The following DNAJC1 variants were observed in gnomAD, a reference collection of about 807,000 sequenced individuals.
DNAJC1 encodes the protein DnaJ heat shock protein family (Hsp40) member C1, also known as dnaJ homolog subfamily C member 1.
In DNAJC1, 58 loss-of-function variants were observed where a neutral mutation model predicts 76.6. That is an observed-to-expected ratio of 0.76 (90% CI 0.61 to 0.94). The LOEUF (loss-of-function observed/expected upper bound fraction) is 0.94, where lower values mean the gene tolerates loss of function less well. DNAJC1 is among the 40% of genes least tolerant of loss of function. DNAJC1 has a pLI of 0.00. For synonymous variants in DNAJC1, 258 were observed against 267.9 expected, an observed-to-expected ratio of 0.96 and a Z score of 0.36; for missense variants, 689 against 677.3, an observed-to-expected ratio of 1.02 and a Z score of -0.19.
At position 21,920,026 on chromosome 10, in the gene DNAJC1, A is replaced by G. The variant is rs549113891; in HGVS notation, c.538-97T>C. ...TGTGAAGGGTAAACATTATAGAGGAACATTTATGCAAATGTATGTAGGGTC... is the reference window on the plus strand; with the variant it reads ...TGTGAAGGGTAAACATTATAGAGGAGCATTTATGCAAATGTATGTAGGGTC... On this transcript the variant is annotated intron_variant, in intron 4 of 11. Transcript: ENST00000376980. 9.8e-6 allele frequency: 7 copies of G among 715,978 alleles called. No homozygotes were observed. In the East Asian group the frequency reaches 1.8e-4, roughly 18 times the overall value. 44.4% of individuals were successfully genotyped at this position (715,978 alleles called of 1,614,324 possible).
chr10:21,863,110 C>T (rs1193037396), intron 8 of DNAJC1, among the ~76,000 whole-genome samples: 1 of 151,918 alleles, frequency 6.6e-6, no homozygotes, highest in Non-Finnish European at 1.5e-5. Context: ...CCAGCCTGGG[C>T]AACAAGAGTG....
chr10:21,862,371 T>C (rs2131699803), intron 8 of DNAJC1, among the ~76,000 whole-genome samples: 1 of 151,958 alleles, frequency 6.6e-6, no homozygotes, highest in African/African-American at 2.4e-5. Flanking sequence ...CTAAAAACCA[T>C]ATGCAAACAG....
At chr10:21,896,476 GAA>G (rs1836544697) in intron 7 of DNAJC1, among the ~76,000 whole-genome samples, 1 of 152,066 alleles carries the variant, frequency 6.6e-6, no homozygotes. Context: ...CTTTGCATGA[GAA>G]TATCAATTTT....
intron 8 of DNAJC1, among the ~76,000 whole-genome samples, chr10:21,830,173 A>G (rs1034347085): frequency 1.4e-4 from 21 of 152,156 alleles, no homozygotes; most frequent in Non-Finnish European, 2.5e-4. Context: ...TAGATTTATC[A>G]ACATGATTTC....
chr10:21,912,987 CTTT>C (rs201161273), intron 6 of DNAJC1, among the ~76,000 whole-genome samples: 4 of 134,474 alleles, frequency 3.0e-5, no homozygotes, highest in Non-Finnish European at 3.2e-5. Flanking sequence ...TCTTAGGCAA[CTTT>C]TTTTTTTTTT....
intron 8 of DNAJC1, among the ~76,000 whole-genome samples, chr10:21,809,784 AATAT>A (rs1031232606): frequency 1.8e-4 from 28 of 152,096 alleles, no homozygotes; most frequent in African/African-American, 6.8e-4. Context: ...GCCCTTGACA[AATAT>A]ATATAAATAC....
At chr10:21,979,161 A>C (rs1297133738) in intron 1 of DNAJC1, among the ~76,000 whole-genome samples, 1 of 152,014 alleles carries the variant, frequency 6.6e-6, no homozygotes, top group African/African-American at 2.4e-5. Context: ...CTTTTAAAAA[A>C]AACCAGCTAG....
At chr10:21,867,037 T>G (rs1836012362) in intron 8 of DNAJC1, among the ~76,000 whole-genome samples, 1 of 152,138 alleles carries the variant, frequency 6.6e-6, no homozygotes, top group Non-Finnish European at 1.5e-5. Context: ...GGGACATTTA[T>G]AGCCTTTAAT....
At chr10:21,908,649 A>G (rs1248331561) in intron 6 of DNAJC1, among the ~76,000 whole-genome samples, 1 of 152,012 alleles carries the variant, frequency 6.6e-6, no homozygotes, top group African/African-American at 2.4e-5. Context: ...TTATAGCCCT[A>G]GTACACTGCC....
At chr10:21,891,657 A>G (rs1836465476) in intron 7 of DNAJC1, among the ~76,000 whole-genome samples, 1 of 152,186 alleles carries the variant, frequency 6.6e-6, no homozygotes, top group Non-Finnish European at 1.5e-5. Flanking sequence ...GAAGTGGCAC[A>G]GCACTTTTCA....
chr10:21,778,910 T>C (rs2131626292), intron 9 of DNAJC1, among the ~76,000 whole-genome samples: 1 of 152,354 alleles, frequency 6.6e-6, no homozygotes, highest in Admixed American at 6.5e-5. Context: ...CACTGCGCTT[T>C]TCCAACCGTC....
chr10:21,839,426 C>G (rs372603943), intron 8 of DNAJC1, among the ~76,000 whole-genome samples: 2 of 152,172 alleles, frequency 1.3e-5, no homozygotes, highest in Non-Finnish European at 2.9e-5. Flanking sequence ...GATATCACCA[C>G]TGATCCCACA....
chr10:21,800,664 C>G (rs528789155), intron 9 of DNAJC1, among the ~76,000 whole-genome samples: 2 of 152,236 alleles, frequency 1.3e-5, no homozygotes, highest in East Asian at 3.9e-4. Context: ...GTGAAAAGGA[C>G]AGAAAGTAGA....
chr10:21,968,999 G>A (rs1170933796), intron 1 of DNAJC1, among the ~76,000 whole-genome samples: 6 of 152,050 alleles, frequency 3.9e-5, no homozygotes, highest in African/African-American at 1.4e-4. Flanking sequence ...TGAGGTGGAC[G>A]GATCACTTGA....
chr10:21,897,256 G>GT (rs1253394942), intron 7 of DNAJC1, among the ~76,000 whole-genome samples: 2 of 152,070 alleles, frequency 1.3e-5, no homozygotes, highest in African/African-American at 4.8e-5. Flanking sequence ...TCCTCGTGGT[G>GT]TTTACTCCAA....
At chr10:21,820,719 T>C (rs1358535348) in intron 8 of DNAJC1, among the ~76,000 whole-genome samples, 1 of 152,202 alleles carries the variant, frequency 6.6e-6, no homozygotes. Flanking sequence ...TCTGACCAAC[T>C]GGTTTCAAGT....
At chr10:21,830,073 G>A (rs1848019554) in intron 8 of DNAJC1, among the ~76,000 whole-genome samples, 1 of 152,052 alleles carries the variant, frequency 6.6e-6, no homozygotes, top group Admixed American at 6.5e-5. Flanking sequence ...TCTTCTAAGT[G>A]TTGCTGTCAT....
At chr10:21,798,516 C>T (rs1394224844) in intron 9 of DNAJC1, among the ~76,000 whole-genome samples, 1 of 152,190 alleles carries the variant, frequency 6.6e-6, no homozygotes, top group Non-Finnish European at 1.5e-5. Flanking sequence ...TTGCAAACCC[C>T]AGACATGCTC....
Position 21,783,890 on chromosome 10 carries a change from C to G in DNAJC1, c.1099-17581G>C, listed in dbSNP as rs1226728231. On this transcript the variant is annotated intron_variant, in intron 9 of 11. Coordinates refer to ENST00000376980, the MANE Select transcript of DNAJC1 (RefSeq NM_022365.4). The stretch of plus-strand genomic sequence containing the variant: ...CTGGATCCCTTCCTTACACCTTATA[C>G]AAACATTAATTCAAGGTGGATTAAA... Among the ~76,000 whole-genome samples the G allele has an allele frequency of 3.9e-5, 6 of 152,312 alleles. No individual in the cohort carries two copies. The East Asian group carries it at 1.2e-3, about 29-fold the overall frequency.
Sources: allele counts gnomAD v4.1 joint callset (sites outside exome capture counted in the v4.1 genomes callset), GRCh38; gene constraint gnomAD v4.1.1; transcripts MANE v1.5; gene names NCBI Gene and HGNC (gene_info 2026-07-23, HGNC 2026-07-21).